The following PTPN4 variants were observed in gnomAD, a reference collection of about 807,000 sequenced individuals.
PTPN4 encodes tyrosine-protein phosphatase non-receptor type 4.
Under a neutral mutation model 135.5 loss-of-function variants are expected in PTPN4, and 49 were observed. The ratio of observed to expected loss-of-function variants is 0.36; its 90% CI spans 0.29 to 0.46. The LOEUF is 0.46. Ranked by LOEUF, PTPN4 falls within the 20% of genes least tolerant of loss-of-function variation. PTPN4 has a pLI of 1.00. For synonymous variants in PTPN4, 333 were observed against 369.9 expected (o/e 0.90, Z 1.14); for missense variants, 860 against 1,101.0 (o/e 0.78, Z 3.10).
intron 10 of PTPN4, among the ~76,000 whole-genome samples, chr2:119,908,622 C>T (rs1398180593): frequency 6.6e-6 from 1 of 152,086 alleles, no homozygotes; most frequent in Admixed American, 6.6e-5. Context: ...TGAGACACAA[C>T]AATATAGAAA....
At chr2:119,832,688 A>G (rs1677236652) in intron 2 of PTPN4, among the ~76,000 whole-genome samples, 1 of 152,050 alleles carries the variant, frequency 6.6e-6, no homozygotes, top group African/African-American at 2.4e-5. Flanking sequence ...TGTTAATATT[A>G]GTAATTACAT....
At chr2:119,854,145 T>G (rs1161300231) in intron 2 of PTPN4, among the ~76,000 whole-genome samples, 1 of 152,196 alleles carries the variant, frequency 6.6e-6, no homozygotes, top group Non-Finnish European at 1.5e-5. Flanking sequence ...TCTCCCACCC[T>G]GGCCTTTTAA....
intron 1 of PTPN4, among the ~76,000 whole-genome samples, chr2:119,802,172 G>A (rs540145065): frequency 2.6e-4 from 39 of 152,156 alleles, no homozygotes; most frequent in African/African-American, 9.4e-4. Flanking sequence ...CAAAGTGCTG[G>A]GATTACCGGC....
intron 5 of PTPN4, among the ~76,000 whole-genome samples, chr2:119,880,950 C>T (rs976948067): frequency 6.6e-6 from 1 of 151,998 alleles, no homozygotes; most frequent in South Asian, 2.1e-4. Context: ...TGACTTTTGA[C>T]TCTTGGAATA....
chr2:119,809,715 A>G (rs1296204787), intron 1 of PTPN4, 122 bp from the exon 2 acceptor site: 2 of 884,004 alleles, frequency 2.3e-6, no homozygotes, highest in East Asian at 2.7e-5. Context: ...CTGGTGTTTC[A>G]AAATTTATAA....
chr2:119,856,482 C>T (rs987839197), intron 2 of PTPN4, among the ~76,000 whole-genome samples: 8 of 152,288 alleles, frequency 5.3e-5, no homozygotes, highest in Admixed American at 5.2e-4. Flanking sequence ...TGCCCCCATA[C>T]TATGTCCCAT....
At chr2:119,801,612 CTATG>C (rs1160652220) in intron 1 of PTPN4, among the ~76,000 whole-genome samples, 3 of 152,042 alleles carry the variant, frequency 2.0e-5, no homozygotes, top group African/African-American at 7.2e-5. Context: ...TAGAAGTTCT[CTATG>C]TGTTTTGTTA....
At chr2:119,793,855 T>G (rs1293337942) in intron 1 of PTPN4, among the ~76,000 whole-genome samples, 2 of 129,156 alleles carry the variant, frequency 1.5e-5, no homozygotes, top group East Asian at 2.3e-4. Context: ...AGTTTTTTTT[T>G]TTTTTTTTTT....
At chr2:119,933,662 C>CAA (rs34318106) in intron 14 of PTPN4, among the ~76,000 whole-genome samples, 1,784 of 80,278 alleles carry the variant, frequency 0.022, 39 homozygotes, top group African/African-American at 0.068. Flanking sequence ...GACCCTGTCT[C>CAA]AAAAAAAAAA....
In PTPN4 at chr2:119,967,906, G is replaced by A. The variant is rs374040128; in HGVS notation, c.2628G>A (p.Gln876=). Reference sequence around the variant, plus strand: ...CCATGTGTCTCATTGAATGCAATCAGCCAGTTTATCCACTAGATATTGTAA... The same window carrying A: ...CCATGTGTCTCATTGAATGCAATCAACCAGTTTATCCACTAGATATTGTAA... The part of the protein sequence containing the change: ...ETAMCLIECN[Q]PVYPLDIVRT... The change falls in exon 26 of 27, where the codon CAG becomes CAA. Residue 876 remains glutamine, a synonymous_variant. Transcript: ENST00000263708. 4.3e-6 allele frequency: 7 copies of A among 1,611,194 alleles called. No homozygotes were observed. Among genetic ancestry groups the A allele is most frequent in the Non-Finnish European group, 5.9e-6 (7 of 1,177,966 alleles).
intron 5 of PTPN4, among the ~76,000 whole-genome samples, chr2:119,880,835 CT>C (rs201097174): frequency 4.0e-5 from 6 of 150,980 alleles, no homozygotes; most frequent in Admixed American, 1.3e-4. Context: ...TGTTTGTATT[CT>C]TTTTTTTTGT....
chr2:119,886,141 T>C (rs187466061), intron 9 of PTPN4, among the ~76,000 whole-genome samples: 136 of 152,316 alleles, frequency 8.9e-4, no homozygotes, highest in African/African-American at 3.2e-3. Flanking sequence ...ATAGTACCTT[T>C]AGAATATTTA....
At chr2:119,905,959 A>G (rs1574398207) in intron 10 of PTPN4, among the ~76,000 whole-genome samples, 1 of 152,184 alleles carries the variant, frequency 6.6e-6, no homozygotes, top group African/African-American at 2.4e-5. Flanking sequence ...CAGCAATAGC[A>G]TTGCTAAGAG....
chr2:119,922,993 G>A (rs1296971222), intron 12 of PTPN4, among the ~76,000 whole-genome samples: 1 of 152,176 alleles, frequency 6.6e-6, no homozygotes, highest in African/African-American at 2.4e-5. Flanking sequence ...TCTAGAATAT[G>A]TAATAATGTT....
intron 7 of PTPN4, 31 bp downstream of exon 7, chr2:119,882,180 G>A: frequency 6.4e-7 from 1 of 1,561,780 alleles, no homozygotes; most frequent in Non-Finnish European, 8.8e-7. Flanking sequence ...AGGTCAAATA[G>A]CATATAACTG....
intron 1 of PTPN4, among the ~76,000 whole-genome samples, chr2:119,777,585 T>C (rs1690859622): frequency 6.6e-6 from 1 of 152,212 alleles, no homozygotes; most frequent in Non-Finnish European, 1.5e-5. Context: ...TCTAATTGCC[T>C]AACACATGGA....
At chr2:119,780,278 A>G (rs1432133372) in intron 1 of PTPN4, among the ~76,000 whole-genome samples, 1 of 152,210 alleles carries the variant, frequency 6.6e-6, no homozygotes, top group Non-Finnish European at 1.5e-5. Flanking sequence ...TCAGCATGTA[A>G]TCATGCATCT....
chr2:119,939,877 TAAAA>T (rs1411025873), intron 15 of PTPN4, among the ~76,000 whole-genome samples: 1 of 152,112 alleles, frequency 6.6e-6, no homozygotes, highest in Non-Finnish European at 1.5e-5. Flanking sequence ...GACAAGGAAG[TAAAA>T]AAATCGAAGG....
chr2:119,915,126 TA>T, intron 10 of PTPN4, 52 bp from the exon 11 acceptor site: 14 of 1,372,580 alleles, frequency 1.0e-5, no homozygotes, highest in Non-Finnish European at 1.2e-5. Flanking sequence ...CATAATTTGT[TA>T]ATATTTTTAT....
Sources: allele counts gnomAD v4.1 joint callset (sites outside exome capture counted in the v4.1 genomes callset), GRCh38; gene constraint gnomAD v4.1.1; transcripts MANE v1.5; gene names NCBI Gene and HGNC (gene_info 2026-07-23, HGNC 2026-07-21).